The following MRPL28 variants were observed in gnomAD, a reference collection of about 807,000 sequenced individuals.
MRPL28 encodes large ribosomal subunit protein bL28m.
A neutral mutation model predicts 26.2 loss-of-function variants in MRPL28; 25 were observed. That is an observed-to-expected ratio of 0.95 (90% CI 0.69 to 1.33). The LOEUF (loss-of-function observed/expected upper bound fraction) is 1.33, where lower values mean the gene tolerates loss of function less well. MRPL28 is among the 40% of genes most tolerant of loss of function. The pLI, the probability that MRPL28 is intolerant of heterozygous loss-of-function variation, is 0.00. For synonymous variants in MRPL28, 227 were observed against 140.1 expected, an observed-to-expected ratio of 1.62 and a Z score of -4.38; for missense variants, 432 against 327.2, an observed-to-expected ratio of 1.32 and a Z score of -2.47.
At chr16:367,842 C>T (rs576999654) in intron 5 of MRPL28, 60 bp from the exon 6 acceptor site, 94 of 1,449,614 alleles carry the variant, frequency 6.5e-5, no homozygotes, top group Admixed American at 8.7e-5. Flanking sequence ...GGAGTTCCGA[C>T]GGGGATGGGA....
At chr16:370,258 A>G (rs909073047) in intron 1 of MRPL28, 33 bp from the exon 2 acceptor site, 3 of 1,257,840 alleles carry the variant, frequency 2.4e-6, no homozygotes, top group Non-Finnish European at 3.0e-6. Flanking sequence ...AGTCAGTCGC[A>G]GCCTGGCCAG....
chr16:368,389 GCCT>G lies in MRPL28; in HGVS notation c.599_601del (p.Glu200del). 1 of 1,613,790 alleles carries G rather than the reference GCCT, an allele frequency of 6.2e-7. No homozygotes were observed. Among genetic ancestry groups the G allele is most frequent in the Non-Finnish European group, 8.5e-7 (1 of 1,179,994 alleles). The stretch of plus-strand genomic sequence containing the variant: ...CTCCAGCGTGAGGCCCACCCACTCT[GCCT>G]CCTCCTCTGGGATGGCAAATTCCTA... On this transcript the variant is annotated inframe_deletion, in exon 5 of 6. Transcript: ENST00000199706.
At position 369,961 on chromosome 16, in the gene MRPL28, G is replaced by A. The variant is rs1181817323; in HGVS notation, c.258C>T (p.Ile86=). The change falls in exon 2 of 6, where the codon ATC becomes ATT. Residue 86 remains isoleucine, a synonymous_variant. Coordinates refer to ENST00000199706, the MANE Select transcript of MRPL28 (RefSeq NM_006428.5). ...CGTTGTTGGCATATATTTGGCCCAG[G>A]ATCCAGCCCTCGCCGCCCCACAACC... ...QRGLWGGEGW[I]LGQIYANNDK... The A allele has an allele frequency of 1.9e-6, 3 of 1,612,002 alleles. No individual in the cohort carries two copies. In the African/African-American group the frequency reaches 4.0e-5, roughly 22 times the overall value.
At position 369,218 on chromosome 16, in the gene MRPL28, G is replaced by C. The variant is rs754977669; in HGVS notation, c.291C>G (p.Leu97=). Residue 97 remains leucine, a splice_region_variant and synonymous_variant, in exon 3 of 6, where the codon CTC becomes CTG. Coordinates refer to ENST00000199706, the MANE Select transcript of MRPL28 (RefSeq NM_006428.5). The stretch of plus-strand genomic sequence containing the variant: ...TCCACACTTTCTTCAGCCTCTTGGA[G>C]AGCTGAGGGTGCAACAGAGCCTCCA... The part of the protein sequence containing the change: ...LGQIYANNDK[L]SKRLKKVWKP... The C allele has an allele frequency of 8.1e-6, 13 of 1,613,872 alleles. No individual in the cohort carries two copies. The highest frequency in any genetic ancestry group is 1.1e-5 in the Non-Finnish European group (13 of 1,179,868).
chr16:367,671 G>GTGGTCAC lies in MRPL28; in HGVS notation c.768_*3dup, dbSNP rs1241431162. 1 of 1,612,536 alleles carries GTGGTCAC rather than the reference G, an allele frequency of 6.2e-7. No homozygotes were observed. On this transcript the variant is annotated 3_prime_UTR_variant, in exon 6 of 6. Coordinates refer to ENST00000199706, the MANE Select transcript of MRPL28 (RefSeq NM_006428.5). ...TGTTGGTCAGGCATGGAGGAGCTGT[G>GTGGTCAC]TGGTCACTGGCCACTGGCTCTCTTC...
rs761061828 is a variant in MRPL28 at position 367,429 on chromosome 16, C to T, written c.*246G>A. The T allele has an allele frequency of 2.4e-5, 17 of 713,302 alleles. No homozygotes were observed. The Middle Eastern group carries it at 6.8e-4, about 29-fold the overall frequency. The allele number at this position is 713,302 out of a possible 1,614,324, so 44.2% of individuals were successfully genotyped here. On this transcript the variant is annotated 3_prime_UTR_variant, in exon 6 of 6. Transcript: ENST00000199706. ...CAGACTTTACTCGCTCCCGGCCCCA[C>T]GGGCACAAGGAACACTGCCGCAAAC... is the stretch of plus-strand genomic sequence containing the variant.
Position 367,695 on chromosome 16 carries a change from T to C in MRPL28, c.751A>G (p.Lys251Glu). Residue 251 changes from lysine (K) to glutamate (E), a missense_variant, in exon 6 of 6, where the codon AAG (lysine) becomes GAG (glutamate). Transcript: ENST00000199706. ...QALSEPAVVQ[K>E]RASGQ ...TGTGGTCACTGGCCACTGGCTCTCT[T>C]CTGCACCACCGCCGGCTCTGACAGT... 1.2e-6 allele frequency: 2 copies of C among 1,613,734 alleles called. No homozygotes were observed. Among genetic ancestry groups the C allele is most frequent in the Non-Finnish European group, 1.7e-6 (2 of 1,179,994 alleles).
chr16:368,455 C>T (rs201836855), intron 4 of MRPL28, 41 bp from the exon 5 acceptor site: 78 of 1,613,102 alleles, frequency 4.8e-5, no homozygotes, highest in Middle Eastern at 3.3e-4. Context: ...GGCCCAGGGC[C>T]GGGCCACGAG....
At chr16:369,757 T>C in intron 2 of MRPL28, 174 bp downstream of exon 2, 1 of 884,668 alleles carries the variant, frequency 1.1e-6, no homozygotes, top group Non-Finnish European at 1.8e-6. Context: ...TTATCAGTCC[T>C]GTTTGCCAGA....
intron 5 of MRPL28, 44 bp from the exon 6 acceptor site, chr16:367,826 G>A (rs2054274414): frequency 6.4e-7 from 1 of 1,554,464 alleles, no homozygotes; most frequent in Non-Finnish European, 8.9e-7. Context: ...GAAGCCCAGG[G>A]CAGCTGGAGT....
At chr16:368,903 C>T (rs1382601315) in intron 3 of MRPL28, 165 bp downstream of exon 3, 1 of 1,069,716 alleles carries the variant, frequency 9.3e-7, no homozygotes, top group African/African-American at 1.6e-5. Context: ...GGCAGGAAAC[C>T]CCACTGGTGC....
chr16:368,479 G>C, intron 4 of MRPL28, 22 bp downstream of exon 4: 3 of 1,610,468 alleles, frequency 1.9e-6, no homozygotes, highest in Non-Finnish European at 2.5e-6. Flanking sequence ...CCAGGTGTAG[G>C]GAGCGGGACG....
In MRPL28 at chr16:368,542, C is replaced by G. The variant is rs777669067; in HGVS notation, c.535G>C (p.Glu179Gln). The G allele has an allele frequency of 3.8e-6, 6 of 1,595,330 alleles. No homozygotes were observed. Among genetic ancestry groups the G allele is most frequent in the Non-Finnish European group, 5.1e-6 (6 of 1,168,570 alleles). Reference protein sequence around the residue: ...LARQDPQLHPEDPERRAAIYD... With the variant: ...LARQDPQLHPQDPERRAAIYD... ...ATGGCTGCCCGCCGCTCGGGGTCCT[C>G]GGGGTGCAGCTGGGGGTCCTGCCGG... is the stretch of plus-strand genomic sequence containing the variant. Residue 179 changes from glutamate to glutamine, a missense_variant, in exon 4 of 6, where the codon GAG becomes CAG. Physicochemically the swap from Glu to Gln is conservative, Grantham distance 29. Transcript: ENST00000199706.
intron 2 of MRPL28, chr16:369,558 T>G (rs910083373): frequency 1.3e-5 from 9 of 711,176 alleles, no homozygotes; most frequent in Non-Finnish European, 2.3e-5. Flanking sequence ...CCCCACAGGC[T>G]TCAGCAGTCC....
In MRPL28 at chr16:367,293, G is replaced by A; in HGVS notation, c.*382C>T. ...GGGGACGGGCACAGCCAGAGTCAAT[G>A]CCCACGGCTCATCCGAGGTCTCAGG... On this transcript the variant is annotated 3_prime_UTR_variant, in exon 6 of 6. Coordinates refer to ENST00000199706, the MANE Select transcript of MRPL28 (RefSeq NM_006428.5). 1 of 600,698 alleles carries A rather than the reference G, an allele frequency of 1.7e-6. No homozygotes were observed. The allele number at this position is 600,698 out of a possible 1,614,324, so 37.2% of individuals were successfully genotyped here. A position where few individuals can be genotyped will look rare whatever the true frequency, so the allele number is the denominator to read the frequency against.
rs749927759 is a variant in MRPL28 at position 369,208 on chromosome 16, G to A, written c.301C>T (p.Leu101=). 3 of 1,613,810 alleles carry A rather than the reference G, an allele frequency of 1.9e-6. No individual in the cohort carries two copies. The highest frequency in any genetic ancestry group is 1.3e-5 in the African/African-American group (1 of 74,920). ...YANNDKLSKR[L]KKVWKPQLFE... ...AGCTGTGGCTTCCACACTTTCTTCA[G>A]CCTCTTGGAGAGCTGAGGGTGCAAC... The change falls in exon 3 of 6, where the codon CTG becomes TTG. Residue 101 remains leucine, a synonymous_variant. Transcript: ENST00000199706.
intron 2 of MRPL28, chr16:369,630 C>T (rs537418647): frequency 1.4e-6 from 1 of 719,160 alleles, no homozygotes; most frequent in Non-Finnish European, 2.6e-6. Context: ...CTGCTCTGCT[C>T]GCCTCTCCCA....
Position 367,354 on chromosome 16 carries a change from CA to C in MRPL28, c.*320del. 1 of 647,404 alleles carries C rather than the reference CA, an allele frequency of 1.5e-6. No individual in the cohort carries two copies. Among genetic ancestry groups the C allele is most frequent in the South Asian group, 1.7e-5 (1 of 58,932 alleles). The allele number at this position is 647,404 out of a possible 1,614,324, so 40.1% of individuals were successfully genotyped here. On this transcript the variant is annotated 3_prime_UTR_variant, in exon 6 of 6. Coordinates refer to ENST00000199706, the MANE Select transcript of MRPL28 (RefSeq NM_006428.5). ...GCAGGGGTGACAGGATCAGGATCCC[CA>C]AAGAGAACACCAGTCCTCAAAGCAA...
intron 2 of MRPL28, chr16:369,719 G>A: frequency 1.3e-6 from 1 of 749,914 alleles, no homozygotes; most frequent in Non-Finnish European, 2.3e-6. Flanking sequence ...TGCTCCCCCG[G>A]CCTGAGTCAC....
Sources: allele counts gnomAD v4.1 joint callset, GRCh38; gene constraint gnomAD v4.1.1; transcripts MANE v1.5; gene names NCBI Gene and HGNC (gene_info 2026-07-23, HGNC 2026-07-21).